The following MIER3 variants were observed in gnomAD, a reference collection of about 807,000 sequenced individuals.
MIER3 encodes MIER family member 3.
In MIER3, 9 loss-of-function variants were observed where a neutral mutation model predicts 63.2. That is an observed-to-expected ratio of 0.14 (90% CI 0.09 to 0.25). The LOEUF (loss-of-function observed/expected upper bound fraction) is 0.25, where lower values mean the gene tolerates loss of function less well. MIER3 is among the 10% of genes least tolerant of loss of function. The pLI is 1.00. For synonymous variants in MIER3, 205 were observed against 224.9 expected, an observed-to-expected ratio of 0.91 and a Z score of 0.79; for missense variants, 512 against 666.2, an observed-to-expected ratio of 0.77 and a Z score of 2.55.
intron 8 of MIER3, among the ~76,000 whole-genome samples, chr5:56,931,449 A>T (rs1750263082): frequency 6.6e-6 from 1 of 152,198 alleles, no homozygotes; most frequent in African/African-American, 2.4e-5. Flanking sequence ...CCCTGATCTG[A>T]TCACTATACA....
At chr5:56,927,576 AGTTTTT>A (rs748285006) in intron 10 of MIER3, among the ~76,000 whole-genome samples, 107 of 152,326 alleles carry the variant, frequency 7.0e-4, no homozygotes, top group Non-Finnish European at 1.1e-3. Flanking sequence ...AATAGACTTT[AGTTTTT>A]AAGAGTAGTT....
chr5:56,928,187 A>G (rs1419464422), intron 10 of MIER3: 1 of 152,254 alleles, frequency 6.6e-6, no homozygotes, highest in East Asian at 1.9e-4. Flanking sequence ...TTGTGTGGAC[A>G]TAAGTTTTCA....
In MIER3 at chr5:56,921,963, T is replaced by C. The variant is rs1749693852; in HGVS notation, c.*1165A>G. 6.5e-6 allele frequency: 1 copy of C among 152,674 alleles called. No homozygotes were observed. Among genetic ancestry groups the C allele is most frequent in the South Asian group, 2.1e-4 (1 of 4,836 alleles). 9.5% of individuals were successfully genotyped at this position (152,674 alleles called of 1,614,324 possible). A position where few individuals can be genotyped will look rare whatever the true frequency, so the allele number is the denominator to read the frequency against. ...AATAAAAATAAAACTGAGTTTGAGA[T>C]ACATCTGAACATCTATCAATTTTTA... On this transcript the variant is annotated 3_prime_UTR_variant, in exon 13 of 13. Transcript: ENST00000381199.
At chr5:56,942,741 A>G (rs575227101) in intron 3 of MIER3, among the ~76,000 whole-genome samples, 30 of 152,378 alleles carry the variant, frequency 2.0e-4, no homozygotes, top group African/African-American at 7.0e-4. Flanking sequence ...GATTACTTAA[A>G]TTAAGGCAGA....
In MIER3 at chr5:56,923,539, A is replaced by G. The variant is rs13177917; in HGVS notation, c.1242T>C (p.Asn414=). ...GTGGAGGAAAGCTATCATCCAAACA[A>G]TTCACATCTGTGGGGTCGCAGACGG... ...VATVCDPTDV[N]CLDDSFPPLG... The change falls in exon 13 of 13, where the codon AAT becomes AAC. Residue 414 remains asparagine, a synonymous_variant. Transcript: ENST00000381199. 1.2e-6 allele frequency: 2 copies of G among 1,614,040 alleles called. No individual in the cohort carries two copies. Among genetic ancestry groups the G allele is most frequent in the African/African-American group, 2.7e-5 (2 of 74,936 alleles).
rs998682455 is a variant in MIER3 at position 56,938,941 on chromosome 5, C to G, written c.257G>C (p.Ser86Thr). 5.0e-6 allele frequency: 8 copies of G among 1,614,036 alleles called. No homozygotes were observed. Among genetic ancestry groups the G allele is most frequent in the African/African-American group, 1.3e-5 (1 of 74,914 alleles). Residue 86 changes from serine (S) to threonine (T), a missense_variant, in exon 4 of 13, where the codon AGT becomes ACT. By Grantham distance (58) the Ser-to-Thr change is moderately conservative. Around this residue, in one of 5 missense-constraint regions of MIER3, gnomAD observed 98 missense variants for 107.4 expected, o/e 0.91. Transcript: ENST00000381199. The stretch of plus-strand genomic sequence containing the variant: ...CAGTTCACTTGGGGAACTATTTGCA[C>G]TGGAATTTGCAACTGCTGGAATTGT... ...EPTIPAVANS[S>T]ANSSPSELAD...
Position 56,920,689 on chromosome 5 carries a change from TAA to T in MIER3, c.*2437_*2438del, listed in dbSNP as rs1266290326. ...TCAATAAATAGCTATTTTACATGGA[TAA>T]AGTCATAGTGGTACAATTTATGAAT... On this transcript the variant is annotated 3_prime_UTR_variant, in exon 13 of 13. Transcript: ENST00000381199. The T allele has an allele frequency of 1.3e-5, 2 of 152,050 alleles. No individual in the cohort carries two copies. The highest frequency in any genetic ancestry group is 2.9e-5 in the Non-Finnish European group (2 of 67,924). The allele number at this position is 152,050 out of a possible 1,614,324, so 9.4% of individuals were successfully genotyped here.
In MIER3 at chr5:56,930,729, A is replaced by T. The variant is rs1750234207; in HGVS notation, c.764T>A (p.Leu255His). The change falls in exon 9 of 13, where the codon CTC becomes CAC. Residue 255 changes from leucine to histidine, a missense_variant. Transcript: ENST00000381199. Reference sequence around the variant, plus strand: ...TTCCTTTATATTGTGGTTACACTTGAGAAGTTCATATAATGCCTGGGATGG... The same window carrying T: ...TTCCTTTATATTGTGGTTACACTTGTGAAGTTCATATAATGCCTGGGATGG... ...RDNEQALYELLKCNHNIKEAI... is the reference protein window; with the variant it reads ...RDNEQALYELHKCNHNIKEAI... The T allele has an allele frequency of 6.2e-7, 1 of 1,613,428 alleles. No homozygotes were observed. The highest frequency in any genetic ancestry group is 8.5e-7 in the Non-Finnish European group (1 of 1,179,548).
intron 2 of MIER3, among the ~76,000 whole-genome samples, chr5:56,947,474 A>C (rs1418481659): frequency 1.3e-5 from 2 of 152,186 alleles, no homozygotes; most frequent in Non-Finnish European, 2.9e-5. Context: ...TTTCACAAGA[A>C]TCGACTATAC....
chr5:56,950,565 A>G, intron 2 of MIER3, 63 bp downstream of exon 2: 3 of 1,546,808 alleles, frequency 1.9e-6, no homozygotes, highest in Non-Finnish European at 2.7e-6. Context: ...TCCTTTAGCA[A>G]CAGACCTTTG....
chr5:56,944,560 C>T (rs1750763085), intron 3 of MIER3, among the ~76,000 whole-genome samples: 1 of 152,106 alleles, frequency 6.6e-6, no homozygotes, highest in African/African-American at 2.4e-5. Context: ...CAGTATTCAT[C>T]TGACACAACT....
chr5:56,952,016 C>T (rs1485562431), intron 1 of MIER3, 78 bp downstream of exon 1: 6 of 1,199,562 alleles, frequency 5.0e-6, no homozygotes, highest in Admixed American at 4.0e-5. Flanking sequence ...CCGGATCCCC[C>T]AGGCTGGCTC....
chr5:56,923,349 G>A lies in MIER3; in HGVS notation c.1432C>T (p.Pro478Ser). The stretch of plus-strand genomic sequence containing the variant: ...ATGCCCATTTTCAATCTTTTTGCTG[G>A]TCTCTCTGACTCTTCACTGCACATG... ...MNMCSEESER[P>S]AKRLKMGIAV... Residue 478 changes from proline to serine, a missense_variant, in exon 13 of 13, where the codon CCA (proline) becomes TCA (serine). Pro to Ser is a moderately conservative substitution (Grantham distance 74). Transcript: ENST00000381199. 6.2e-7 allele frequency: 1 copy of A among 1,614,122 alleles called. No individual in the cohort carries two copies. Among genetic ancestry groups the A allele is most frequent in the Non-Finnish European group, 8.5e-7 (1 of 1,180,028 alleles).
At chr5:56,929,005 A>ACACACACACTCT (rs777014337) in intron 9 of MIER3, 144 bp from the exon 10 acceptor site, 1 of 510,512 alleles carries the variant, frequency 2.0e-6, no homozygotes, top group Non-Finnish European at 3.5e-6. Context: ...ACACACACAC[A>ACACACACACTCT]CTCTCTCTCT....
rs1022230430 is a variant in MIER3 at position 56,919,662 on chromosome 5, C to T, written c.*3466G>A. On this transcript the variant is annotated 3_prime_UTR_variant, in exon 13 of 13. Transcript: ENST00000381199. ...ACCAGGTATTAAAGTACAACAAATA[C>T]AAAATAATGCTCAAAAAAATCAGTG... is the stretch of plus-strand genomic sequence containing the variant. 1 of 152,520 alleles carries T rather than the reference C, an allele frequency of 6.6e-6. No homozygotes were observed. Among genetic ancestry groups the T allele is most frequent in the Non-Finnish European group, 1.5e-5 (1 of 67,994 alleles). 9.4% of individuals were successfully genotyped at this position (152,520 alleles called of 1,614,324 possible). A position where few individuals can be genotyped will look rare whatever the true frequency, so the allele number is the denominator to read the frequency against.
intron 4 of MIER3, 27 bp from the exon 5 acceptor site, chr5:56,937,725 A>G: frequency 6.3e-7 from 1 of 1,583,652 alleles, no homozygotes; most frequent in East Asian, 2.3e-5. Flanking sequence ...GCAGTGCTAC[A>G]GTTAGAAATG....
rs1749796574 is a variant in MIER3, at chr5:56,923,588, A to G, written c.1196-3T>C. On this transcript the variant is annotated splice_region_variant and splice_polypyrimidine_tract_variant and intron_variant, in intron 12 of 12. Coordinates refer to ENST00000381199, the MANE Select transcript of MIER3 (RefSeq NM_001297599.2). ...GGTTGCTACACTGTTGGTCAAAGCT[A>G]AAAAGGAATGGAAAATTGTTTAAGT... 1.2e-6 allele frequency: 2 copies of G among 1,611,700 alleles called. No homozygotes were observed. Among genetic ancestry groups the G allele is most frequent in the Admixed American group, 1.7e-5 (1 of 59,840 alleles).
chr5:56,943,205 G>A lies in MIER3; in HGVS notation c.180+3721C>T, dbSNP rs566359972. On this transcript the variant is annotated intron_variant, in intron 3 of 12. Transcript: ENST00000381199. ...AAGAAGCCAAGCTAAAGACTGAACG[G>A]GAGGGAAGAAAGTACATACATGACT... 2.0e-4 allele frequency among the ~76,000 whole-genome samples: 31 copies of A among 152,152 alleles called. 1 individual carries two copies. The highest frequency in any genetic ancestry group is 2.0e-3 in the Admixed American group (30 of 15,276).
rs767819755 is a variant in MIER3, at chr5:56,952,076, C to T, written c.9+18G>A. ...GCCCGCTCCAGCCCGGCTGCTCCTG[C>T]CCGGTTTCCCTGCTCACCTCCGCCA... On this transcript the variant is annotated intron_variant, in intron 1 of 12. Coordinates refer to ENST00000381199, the MANE Select transcript of MIER3 (RefSeq NM_001297599.2). The T allele has an allele frequency of 2.6e-5, 34 of 1,300,456 alleles. No homozygotes were observed. In the South Asian group the frequency reaches 5.3e-4, roughly 20 times the overall value. 80.6% of individuals were successfully genotyped at this position (1,300,456 alleles called of 1,614,324 possible).
Sources: gnomAD v4.1 joint callset for allele counts (sites outside exome capture counted in the v4.1 genomes callset) on GRCh38, gnomAD v4.1.1 for gene constraint, gnomAD v4.1.1 regional missense constraint, MANE v1.5 for transcripts, NCBI Gene and HGNC (gene_info 2026-07-23, HGNC 2026-07-21) for gene names.